Variants in GMPS observed in about 807,000 individuals in gnomAD.
The protein encoded by GMPS is guanosine monophosphate synthase, also known as GMP synthase [glutamine-hydrolyzing].
In GMPS, 15 loss-of-function variants were observed where a neutral mutation model predicts 77.9. The ratio of observed to expected loss-of-function variants is 0.19; its 90% CI spans 0.13 to 0.30. The LOEUF is 0.30. GMPS is among the 10% of genes least tolerant of loss of function. The pLI is 1.00. For missense variants in GMPS, 590 were observed against 838.8 expected (o/e 0.70, Z 3.66); for synonymous variants, 224 against 275.9 (o/e 0.81, Z 1.86).
At chr3:155,922,965 A>G (rs1438697142) in intron 11 of GMPS, among the ~76,000 whole-genome samples, 1 of 152,216 alleles carries the variant, frequency 6.6e-6, no homozygotes, top group East Asian at 1.9e-4. Context: ...CCTAGGTCCC[A>G]AAGGATTCTC....
chr3:155,937,759 A>G lies in GMPS; in HGVS notation c.*67A>G. The G allele has an allele frequency of 3.9e-6, 3 of 766,674 alleles. No homozygotes were observed. The South Asian group carries it at 4.6e-5, about 12-fold the overall frequency. The allele number at this position is 766,674 out of a possible 1,614,324, so 47.5% of individuals were successfully genotyped here. A position where few individuals can be genotyped will look rare whatever the true frequency, so the allele number is the denominator to read the frequency against. On this transcript the variant is annotated 3_prime_UTR_variant, in exon 16 of 16. Transcript: ENST00000496455. The stretch of plus-strand genomic sequence containing the variant: ...TGATTAGAAATCATTCCCATTATTG[A>G]CATGCAGTACTGTGAAAAGAGTTAC...
chr3:155,893,634 G>A lies in GMPS; in HGVS notation c.144G>A (p.Leu48=), dbSNP rs1754527095. ...GKVIDRRVRE[L]FVQSEIFPLE... is the part of the protein sequence containing the mutation. ...TCATAGACCGAAGAGTGAGGGAACT[G>A]TTCGTGCAGTCTGAAATTTTCCCCT... Residue 48 remains leucine (L), a synonymous_variant, in exon 2 of 16, where the codon CTG becomes CTA. Transcript: ENST00000496455. 1 of 1,610,962 alleles carries A rather than the reference G, an allele frequency of 6.2e-7. No individual in the cohort carries two copies. The highest frequency in any genetic ancestry group is 1.3e-5 in the African/African-American group (1 of 74,872).
chr3:155,915,236 TTG>T (rs1755144512), intron 8 of GMPS, among the ~76,000 whole-genome samples: 1 of 137,246 alleles, frequency 7.3e-6, no homozygotes, highest in African/African-American at 2.6e-5. Context: ...ACCTTTGTTT[TTG>T]TTTTTTTTTT....
intron 2 of GMPS, among the ~76,000 whole-genome samples, chr3:155,894,525 G>A (rs1409194348): frequency 6.6e-6 from 1 of 152,014 alleles, no homozygotes; most frequent in Non-Finnish European, 1.5e-5. Context: ...TGCCCGGCCA[G>A]TGTCATGCTT....
At chr3:155,917,375 T>G (rs1755207616) in intron 9 of GMPS, among the ~76,000 whole-genome samples, 1 of 152,166 alleles carries the variant, frequency 6.6e-6, no homozygotes, top group Non-Finnish European at 1.5e-5. Context: ...ACAAACTCTA[T>G]ACCCGTTAAA....
At chr3:155,929,557 A>C (rs1755547387) in intron 12 of GMPS, among the ~76,000 whole-genome samples, 1 of 149,130 alleles carries the variant, frequency 6.7e-6, no homozygotes, top group Non-Finnish European at 1.5e-5. Flanking sequence ...TCAATTAGGA[A>C]AAGAGGAAGT....
Position 155,888,123 on chromosome 3 carries a change from A to C in GMPS, c.28-5395A>C, listed in dbSNP as rs185509435. On this transcript the variant is annotated intron_variant, in intron 1 of 15. Transcript: ENST00000496455. ...GATAGGGTCTTGCTGCATTGCCCAG[A>C]CTAGTCTCCAATTCCTGGGCTCAAG... Among the ~76,000 whole-genome samples the C allele has an allele frequency of 2.1e-3, 322 of 151,786 alleles. 1 individual carries two copies. Among genetic ancestry groups the C allele is most frequent in the African/African-American group, 7.1e-3 (293 of 41,442 alleles).
intron 12 of GMPS, among the ~76,000 whole-genome samples, chr3:155,927,221 T>C (rs1432183552): frequency 6.6e-6 from 1 of 152,190 alleles, no homozygotes; most frequent in Non-Finnish European, 1.5e-5. Context: ...TTATGGATTA[T>C]CTCATTCATA....
chr3:155,937,476 A>G (rs1195448132), intron 15 of GMPS, 115 bp from the exon 16 acceptor site: 2 of 630,340 alleles, frequency 3.2e-6, no homozygotes, highest in Non-Finnish European at 5.7e-6. Context: ...TCCCATATAC[A>G]TGGAGGACAA....
chr3:155,890,458 A>G (rs1266950834), intron 1 of GMPS, among the ~76,000 whole-genome samples: 2 of 152,232 alleles, frequency 1.3e-5, no homozygotes, highest in Non-Finnish European at 2.9e-5. Flanking sequence ...TGTCAATTAC[A>G]AAAGTGTAGG....
intron 9 of GMPS, among the ~76,000 whole-genome samples, chr3:155,916,808 T>G (rs1291566050): frequency 3.3e-5 from 5 of 152,218 alleles, no homozygotes. Context: ...GTCTTAAGGT[T>G]TAACATTTTG....
At chr3:155,937,073 G>A (rs1186376655) in intron 15 of GMPS, among the ~76,000 whole-genome samples, 4 of 152,168 alleles carry the variant, frequency 2.6e-5, no homozygotes, top group Admixed American at 1.3e-4. Context: ...GGTTCGGAAC[G>A]TGGCTTAGAG....
intron 2 of GMPS, among the ~76,000 whole-genome samples, chr3:155,897,509 G>A (rs1469193134): frequency 1.3e-5 from 2 of 152,168 alleles, no homozygotes; most frequent in South Asian, 4.1e-4. Flanking sequence ...AGCCATCCAG[G>A]GCCTTCATAA....
In GMPS at chr3:155,870,861, C is replaced by T; in HGVS notation, c.-10C>T. 1.3e-6 allele frequency: 2 copies of T among 1,503,726 alleles called. No individual in the cohort carries two copies. The highest frequency in any genetic ancestry group is 1.8e-6 in the Non-Finnish European group (2 of 1,129,068). The allele number at this position is 1,503,726 out of a possible 1,614,324, so 93.1% of individuals were successfully genotyped here. ...TCGCCGTCACCGCCGCGGCTCCGGC[C>T]CTGGCCCCGATGGCTCTGTGCAACG... On this transcript the variant is annotated 5_prime_UTR_variant, in exon 1 of 16. Coordinates refer to ENST00000496455, the MANE Select transcript of GMPS (RefSeq NM_003875.3).
At chr3:155,905,215 G>A (rs1347579688) in intron 4 of GMPS, among the ~76,000 whole-genome samples, 1 of 151,902 alleles carries the variant, frequency 6.6e-6, no homozygotes, top group East Asian at 1.9e-4. Flanking sequence ...ATATTGGCCA[G>A]GCTGGTCTTG....
intron 2 of GMPS, among the ~76,000 whole-genome samples, chr3:155,894,602 G>A (rs1754556622): frequency 1.3e-5 from 2 of 152,122 alleles, no homozygotes; most frequent in African/African-American, 2.4e-5. Context: ...GCAAGCAACT[G>A]TAGTTTATGT....
At chr3:155,884,885 C>T (rs1212781036) in intron 1 of GMPS, among the ~76,000 whole-genome samples, 1 of 152,186 alleles carries the variant, frequency 6.6e-6, no homozygotes, top group Non-Finnish European at 1.5e-5. Flanking sequence ...GTACATTCAG[C>T]TGTTCATTAT....
intron 5 of GMPS, among the ~76,000 whole-genome samples, chr3:155,910,165 G>C (rs1754999931): frequency 6.6e-6 from 1 of 152,012 alleles, no homozygotes; most frequent in African/African-American, 2.4e-5. Context: ...AGAATAGTTT[G>C]GACATGGAAG....
chr3:155,902,706 A>G (rs1262355694), intron 3 of GMPS, among the ~76,000 whole-genome samples: 1 of 152,232 alleles, frequency 6.6e-6, no homozygotes, highest in Non-Finnish European at 1.5e-5. Context: ...ATAGACTAAC[A>G]CAATCATCTT....
Sources: allele counts gnomAD v4.1 joint callset (sites outside exome capture counted in the v4.1 genomes callset), GRCh38; gene constraint gnomAD v4.1.1; transcripts MANE v1.5; gene names NCBI Gene and HGNC (gene_info 2026-07-23, HGNC 2026-07-21).